LEPROTL1: variants seen among roughly 807,000 people sequenced by gnomAD.
The protein encoded by LEPROTL1 is leptin receptor overlapping transcript-like 1.
In LEPROTL1, 6 loss-of-function variants were observed where a neutral mutation model predicts 15.4. That is an observed-to-expected ratio of 0.39 (90% confidence interval 0.21 to 0.77). The LOEUF is 0.77. Among genes scored for constraint, LEPROTL1 ranks in the 30% least tolerant of loss-of-function variants. LEPROTL1 has a pLI of 0.41. For synonymous variants in LEPROTL1, 56 were observed against 52.6 expected (o/e 1.06, Z -0.28); for missense variants, 128 against 158.1 (o/e 0.81, Z 1.02).
At chr8:30,099,599 TAAAAAAAAAAAAAAA>T (rs71204264) in intron 1 of LEPROTL1, among the ~76,000 whole-genome samples, 1 of 112,474 alleles carries the variant, frequency 8.9e-6, no homozygotes, top group Non-Finnish European at 1.8e-5. Context: ...AGACTCCATT[TAAAAAAAAAAAAAAA>T]AAAAAAAAAA....
Position 30,120,450 on chromosome 8 carries a change from T to A in LEPROTL1, c.280-11925T>A, listed in dbSNP as rs112631378. ...GTAAATGGTCGCTTAATAAGTTGTA[T>A]GTATTTGTATATGCATATATATATA... On this transcript the variant is annotated intron_variant, in intron 3 of 4. Transcript: ENST00000442880. Among the ~76,000 whole-genome samples, 848 of 149,058 alleles carry A rather than the reference T, an allele frequency of 5.7e-3. 7 individuals carry two copies. The highest frequency in any genetic ancestry group is 0.02 in the African/African-American group (819 of 40,880).
intron 1 of LEPROTL1, among the ~76,000 whole-genome samples, chr8:30,100,849 C>CTGTGTGTGTGTG (rs113757454): frequency 1.2e-4 from 18 of 150,852 alleles, no homozygotes; most frequent in Admixed American, 5.3e-4. Flanking sequence ...AAATGTACTG[C>CTGTGTGTGTGTG]TGTGTGTGTG....
chr8:30,096,002 G>A, intron 1 of LEPROTL1: 1 of 621,592 alleles, frequency 1.6e-6, no homozygotes, highest in Non-Finnish European at 2.9e-6. Context: ...GCACGGGTCT[G>A]CCCGAAACCT....
At chr8:30,114,594 A>G (rs4733369) in intron 3 of LEPROTL1, among the ~76,000 whole-genome samples, 6,675 of 152,242 alleles carry the variant, frequency 0.044, 293 homozygotes, top group African/African-American at 0.11. Flanking sequence ...CCCAGCTTAC[A>G]TGACATTTTG....
At chr8:30,132,294 G>T in intron 3 of LEPROTL1, 2 of 1,551,780 alleles carry the variant, frequency 1.3e-6, no homozygotes, top group Admixed American at 3.9e-5. Flanking sequence ...TGCTGTGCTG[G>T]AATACAAGCC....
At position 30,103,059 on chromosome 8, in the gene LEPROTL1, AT is replaced by A. The variant is rs201658348; in HGVS notation, c.92+1092del. Among the ~76,000 whole-genome samples, 1,490 of 152,200 alleles carry A rather than the reference AT, an allele frequency of 9.8e-3. 23 individuals are homozygous for A. Among genetic ancestry groups the A allele is most frequent in the African/African-American group, 0.033 (1,365 of 41,528 alleles). ...TATGGATGTTCAAGCAGCCTTGTTT[AT>A]TTTTTGGTTTTTGTTTTTGTTTTGT... On this transcript the variant is annotated intron_variant, in intron 2 of 3. Coordinates refer to ENST00000321250, the MANE Select transcript of LEPROTL1 (RefSeq NM_015344.3).
intron 3 of LEPROTL1, among the ~76,000 whole-genome samples, chr8:30,129,679 C>T (rs1802963149): frequency 6.6e-6 from 1 of 151,072 alleles, no homozygotes; most frequent in Non-Finnish European, 1.5e-5. Context: ...CACACCACTG[C>T]ACTCCAGCCT....
rs556800662 is a variant in LEPROTL1, at chr8:30,098,661, CTGAGACTCATAAATTACT to C, written c.16+3136_16+3153del. On this transcript the variant is annotated intron_variant, in intron 1 of 3. Transcript: ENST00000321250. ...AACTGTCATTTTAGAGAAGGAAGAA[CTGAGACTCATAAATTACT>C]TGGACAACTAGTTAGTAACTATTAG... Among the ~76,000 whole-genome samples the C allele has an allele frequency of 3.3e-3, 504 of 152,310 alleles. 2 individuals carry two copies. The highest frequency in any genetic ancestry group is 5.6e-3 in the Non-Finnish European group (381 of 68,042).
At position 30,101,785 on chromosome 8, in the gene LEPROTL1, A is replaced by G. The variant is rs1428084501; in HGVS notation, c.17-113A>G. On this transcript the variant is annotated intron_variant, in intron 1 of 3. Transcript: ENST00000321250. ...ACACTTCTGATGGCAACTTGCTATT[A>G]ATACGTTTTAGGGATTTTTGCTTCT... The G allele has an allele frequency of 6.4e-6, 4 of 620,290 alleles. No homozygotes were observed. In the East Asian group the frequency reaches 9.2e-5, roughly 14 times the overall value. The allele number at this position is 620,290 out of a possible 1,614,324, so 38.4% of individuals were successfully genotyped here.
At chr8:30,095,607 C>A in intron 1 of LEPROTL1, 79 bp downstream of exon 1, 1 of 1,191,698 alleles carries the variant, frequency 8.4e-7, no homozygotes, top group Non-Finnish European at 1.1e-6. Flanking sequence ...GGCCCCCGCA[C>A]TTCCCCTCCG....
At chr8:30,130,283 C>A (rs1414926506) in intron 3 of LEPROTL1, among the ~76,000 whole-genome samples, 2 of 152,148 alleles carry the variant, frequency 1.3e-5, no homozygotes, top group African/African-American at 4.8e-5. Context: ...GCATGTATTT[C>A]TTTTAGTGAG....
chr8:30,110,782 G>A (rs16876480), downstream of LEPROTL1, among the ~76,000 whole-genome samples: 4,690 of 152,064 alleles, frequency 0.031, 237 homozygotes, highest in African/African-American at 0.11. Flanking sequence ...AAAGAGAAGC[G>A]TTGTGGCAGT....
chr8:30,137,382 T>C (rs1285108064), exon 5 of LEPROTL1: 6 of 1,551,692 alleles, frequency 3.9e-6, no homozygotes, highest in Non-Finnish European at 5.2e-6. Flanking sequence ...GATTGTTACC[T>C]GCAAGCAGAG....
intron 3 of LEPROTL1, chr8:30,131,749 G>T: frequency 8.8e-6 from 5 of 571,238 alleles, no homozygotes; most frequent in Non-Finnish European, 1.5e-5. Flanking sequence ...TTTCCTTTTT[G>T]TATCCTCAGT....
At chr8:30,122,825 G>A (rs1250954402) in intron 3 of LEPROTL1, among the ~76,000 whole-genome samples, 1 of 152,178 alleles carries the variant, frequency 6.6e-6, no homozygotes, top group Non-Finnish European at 1.5e-5. Context: ...AATTGGGATT[G>A]CATTGAAGCT....
chr8:30,117,923 G>T lies in LEPROTL1; in HGVS notation c.279+13437G>T. On this transcript the variant is annotated intron_variant, in intron 3 of 4. Transcript: ENST00000442880. ...ATTTAAAATTACATTGTAGAAAAAT[G>T]CTTATAGACATAAAGTTTAAAAAGC... The T allele has an allele frequency of 6.2e-6, 3 of 483,884 alleles. No individual in the cohort carries two copies. In the South Asian group the frequency reaches 1.1e-4, roughly 18 times the overall value. 30.0% of individuals were successfully genotyped at this position (483,884 alleles called of 1,614,324 possible). A position where few individuals can be genotyped will look rare whatever the true frequency, so the allele number is the denominator to read the frequency against.
chr8:30,096,353 T>C (rs1802366991), intron 1 of LEPROTL1: 5 of 985,316 alleles, frequency 5.1e-6, no homozygotes, highest in Non-Finnish European at 6.0e-6. Flanking sequence ...AGTTTTCAGC[T>C]ACTGCTTAAC....
At chr8:30,103,054 T>C (rs1490118239) in intron 2 of LEPROTL1, among the ~76,000 whole-genome samples, 2 of 152,070 alleles carry the variant, frequency 1.3e-5, no homozygotes, top group Non-Finnish European at 2.9e-5. Flanking sequence ...CAAGCAGCCT[T>C]GTTTATTTTT....
chr8:30,137,457 G>A (rs1803174236), exon 5 of LEPROTL1: 2 of 1,551,626 alleles, frequency 1.3e-6, no homozygotes. Context: ...GGCCTGCTCT[G>A]TGGGCTCTAG....
Sources: gnomAD v4.1 joint callset for allele counts (sites outside exome capture counted in the v4.1 genomes callset) on GRCh38, gnomAD v4.1.1 for gene constraint, MANE v1.5 for transcripts, NCBI Gene and HGNC (gene_info 2026-07-23, HGNC 2026-07-21) for gene names.